Variants in NID2 observed in about 807,000 individuals in gnomAD.
NID2 encodes nidogen-2.
Under a neutral mutation model 145.4 loss-of-function variants are expected in NID2, and 83 were observed. The observed-to-expected ratio is 0.57, with a 90% CI of 0.48 to 0.69. NID2 has a LOEUF of 0.69. Among genes scored for constraint, NID2 ranks in the 30% least tolerant of loss-of-function variants. The pLI is 0.00. For synonymous variants in NID2, 739 were observed against 701.3 expected (o/e 1.05, Z -0.85); for missense variants, 1,807 against 1,765.7 (o/e 1.02, Z -0.42).
chr14:52,042,183 G>A lies in NID2; in HGVS notation c.1747C>T (p.Leu583Phe), dbSNP rs544021078. ...PQPAAQALLP[L>F]TPIGGLFGWL... Reference sequence around the variant, plus strand: ...CCAAACAGGCCTCCAATTGGTGTGAGGGGGAGGAGGGCCTGGGCTGCTGGC... The same window carrying A: ...CCAAACAGGCCTCCAATTGGTGTGAAGGGGAGGAGGGCCTGGGCTGCTGGC... The change falls in exon 7 of 22, where the codon CTC becomes TTC. Residue 583 changes from leucine (L) to phenylalanine (F), a missense_variant. By Grantham distance (22) the Leu-to-Phe change is conservative (BLOSUM62 0). Coordinates refer to ENST00000216286, the MANE Select transcript of NID2 (RefSeq NM_007361.4). 4.3e-6 allele frequency: 7 copies of A among 1,614,156 alleles called. No individual in the cohort carries two copies. The highest frequency in any genetic ancestry group is 2.2e-5 in the East Asian group (1 of 44,886).
At chr14:52,067,234 G>T (rs1893248047) in intron 2 of NID2, among the ~76,000 whole-genome samples, 1 of 151,470 alleles carries the variant, frequency 6.6e-6, no homozygotes, top group African/African-American at 2.4e-5. Context: ...TATTATACAG[G>T]ATAATAGCAG....
intron 9 of NID2, among the ~76,000 whole-genome samples, chr14:52,033,942 C>G (rs1422095712): frequency 3.3e-5 from 5 of 152,148 alleles, no homozygotes; most frequent in Non-Finnish European, 2.9e-5. Flanking sequence ...AGGTCACTTA[C>G]TATGACCAGG....
Position 52,053,557 on chromosome 14 carries a change from C to T in NID2, c.1429+22G>A, listed in dbSNP as rs771965433. 2.1e-5 allele frequency: 33 copies of T among 1,595,780 alleles called. No homozygotes were observed. The Admixed American group carries it at 2.4e-4, about 11-fold the overall frequency. On this transcript the variant is annotated intron_variant, in intron 5 of 21. Coordinates refer to ENST00000216286, the MANE Select transcript of NID2 (RefSeq NM_007361.4). Reference sequence around the variant, plus strand: ...GCATGGTTAAGATGAAACCTTAGCACCCAGTTTTCTAATGCACTCACCCTC... The same window carrying T: ...GCATGGTTAAGATGAAACCTTAGCATCCAGTTTTCTAATGCACTCACCCTC...
intron 5 of NID2, among the ~76,000 whole-genome samples, chr14:52,046,287 C>A (rs1299946866): frequency 7.2e-6 from 1 of 138,392 alleles, no homozygotes; most frequent in Non-Finnish European, 1.5e-5. Context: ...CGCACCACTG[C>A]ACTCCAGCCT....
intron 16 of NID2, chr14:52,012,140 C>T (rs1891054699): frequency 6.5e-6 from 1 of 153,346 alleles, no homozygotes; most frequent in African/African-American, 2.4e-5. Context: ...TGAATCTTTT[C>T]CCAATGTCAT....
In NID2 at chr14:52,030,517, AAAGAAAG is replaced by A. The variant is rs1290852352; in HGVS notation, c.2258-834_2258-828del. ...AGAAAGAAAGAGAAAGAAAGAAAGA[AAAGAAAG>A]AAAGAAAGAAAGAAAGAAAGAAAGA... On this transcript the variant is annotated intron_variant, in intron 9 of 21. Coordinates refer to ENST00000216286, the MANE Select transcript of NID2 (RefSeq NM_007361.4). Among the ~76,000 whole-genome samples the A allele has an allele frequency of 3.8e-4, 5 of 13,246 alleles. No homozygotes were observed. In the East Asian group the frequency reaches 0.015, roughly 41 times the overall value. 8.7% of individuals were successfully genotyped at this position (13,246 alleles called of 152,430 possible).
At chr14:52,062,267 C>G (rs1893040908) in intron 2 of NID2, among the ~76,000 whole-genome samples, 1 of 152,186 alleles carries the variant, frequency 6.6e-6, no homozygotes, top group Non-Finnish European at 1.5e-5. Flanking sequence ...CAACATCTTG[C>G]TTTGCTTTTT....
intron 13 of NID2, among the ~76,000 whole-genome samples, chr14:52,019,601 T>A (rs186266567): frequency 1.9e-3 from 282 of 152,160 alleles, no homozygotes; most frequent in African/African-American, 6.3e-3. Flanking sequence ...AAGCCAAAGC[T>A]CATTCATGCC....
At chr14:52,046,300 G>A (rs1411244768) in intron 5 of NID2, among the ~76,000 whole-genome samples, 2 of 133,674 alleles carry the variant, frequency 1.5e-5, no homozygotes, top group Non-Finnish European at 3.1e-5. Context: ...TCCAGCCTGG[G>A]CGACAGAGAG....
chr14:52,006,308 T>A, intron 20 of NID2: 1 of 496,008 alleles, frequency 2.0e-6, no homozygotes, highest in Non-Finnish European at 3.6e-6. Context: ...TTTTAAGCTA[T>A]ATGTGAGCAA....
At chr14:52,039,598 C>G (rs1435858890) in intron 8 of NID2, among the ~76,000 whole-genome samples, 1 of 152,160 alleles carries the variant, frequency 6.6e-6, no homozygotes, top group African/African-American at 2.4e-5. Flanking sequence ...CCCTTGTCTT[C>G]CCTACATCTC....
At chr14:52,047,727 TACTG>T (rs1892553086) in intron 5 of NID2, among the ~76,000 whole-genome samples, 1 of 152,056 alleles carries the variant, frequency 6.6e-6, no homozygotes, top group African/African-American at 2.4e-5. Context: ...AGCTGCCAGT[TACTG>T]AGATAGGGAG....
chr14:52,023,706 T>A (rs912764267), intron 12 of NID2, among the ~76,000 whole-genome samples: 1 of 152,064 alleles, frequency 6.6e-6, no homozygotes. Flanking sequence ...CTGAGAAATA[T>A]CCAGCTCACA....
chr14:52,008,597 T>C (rs1049329679), intron 18 of NID2: 3 of 152,228 alleles, frequency 2.0e-5, no homozygotes, highest in African/African-American at 4.8e-5. Context: ...TTATTGTCAC[T>C]ATGTGGGAGA....
At chr14:52,016,784 C>T (rs2140356834) in intron 14 of NID2, among the ~76,000 whole-genome samples, 3 of 152,312 alleles carry the variant, frequency 2.0e-5, no homozygotes, top group Middle Eastern at 6.8e-3. Context: ...CCGTTCAAAA[C>T]CCTCCAGTGA....
chr14:52,053,521 A>T, intron 5 of NID2, 58 bp downstream of exon 5: 3 of 1,541,352 alleles, frequency 1.9e-6, no homozygotes, highest in Non-Finnish European at 2.6e-6. Flanking sequence ...TCACAACGCT[A>T]TGCAAAACCA....
intron 10 of NID2, among the ~76,000 whole-genome samples, chr14:52,029,123 G>A (rs1022239804): frequency 2.6e-5 from 4 of 152,146 alleles, no homozygotes; most frequent in Non-Finnish European, 4.4e-5. Flanking sequence ...TGGATACTTG[G>A]AAGAAAACCA....
chr14:52,042,898 C>T lies in NID2; in HGVS notation c.1463G>A (p.Cys488Tyr), dbSNP rs1892337877. ...GGAGCATTGTCTGTGGTTGTGTTCA[C>T]AGGTTTCCTTGTTGGCAGCATTATA... is the stretch of plus-strand genomic sequence containing the variant. ...FTYNAANKET[C>Y]EHNHRQCSRH... The change falls in exon 6 of 22, where the codon TGT becomes TAT. Residue 488 changes from cysteine to tyrosine, a missense_variant. Coordinates refer to ENST00000216286, the MANE Select transcript of NID2 (RefSeq NM_007361.4). The T allele has an allele frequency of 1.2e-6, 2 of 1,614,226 alleles. No homozygotes were observed. The highest frequency in any genetic ancestry group is 1.7e-6 in the Non-Finnish European group (2 of 1,180,046).
At position 52,042,183 on chromosome 14, in the gene NID2, G is replaced by T; in HGVS notation, c.1747C>A (p.Leu583Ile). The T allele has an allele frequency of 6.2e-7, 1 of 1,614,156 alleles. No individual in the cohort carries two copies. The highest frequency in any genetic ancestry group is 1.1e-5 in the South Asian group (1 of 91,068). Residue 583 changes from leucine to isoleucine, a missense_variant, in exon 7 of 22, where the codon CTC (leucine) becomes ATC (isoleucine). By Grantham distance (5) the Leu-to-Ile change is conservative (BLOSUM62 2). Transcript: ENST00000216286. ...PQPAAQALLPLTPIGGLFGWL... is the reference protein window; with the variant it reads ...PQPAAQALLPITPIGGLFGWL... ...CCAAACAGGCCTCCAATTGGTGTGA[G>T]GGGGAGGAGGGCCTGGGCTGCTGGC...
Sources: gnomAD v4.1 joint callset for allele counts (sites outside exome capture counted in the v4.1 genomes callset) on GRCh38, gnomAD v4.1.1 for gene constraint, MANE v1.5 for transcripts, NCBI Gene and HGNC (gene_info 2026-07-23, HGNC 2026-07-21) for gene names.